The following ADAMTS6 variants were observed in gnomAD, a reference collection of about 807,000 sequenced individuals.
The protein encoded by ADAMTS6 is A disintegrin and metalloproteinase with thrombospondin motifs 6.
A neutral mutation model predicts 144.3 loss-of-function variants in ADAMTS6; 23 were observed. That is an observed-to-expected ratio of 0.16 (90% CI 0.11 to 0.23). The LOEUF (loss-of-function observed/expected upper bound fraction) is 0.23. ADAMTS6 is among the 10% of genes least tolerant of loss of function. The pLI, the probability that ADAMTS6 is intolerant of heterozygous loss-of-function variation, is 1.00. For missense variants in ADAMTS6, 999 were observed against 1,379.6 expected, an observed-to-expected ratio of 0.72 and a Z score of 4.37; for synonymous variants, 444 against 457.5, an observed-to-expected ratio of 0.97 and a Z score of 0.38.
intron 7 of ADAMTS6, among the ~76,000 whole-genome samples, chr5:65,359,934 G>T (rs189006155): frequency 3.3e-5 from 5 of 152,276 alleles, no homozygotes; most frequent in African/African-American, 1.2e-4. Context: ...TTACAGCATG[G>T]TGACTATAGC....
chr5:65,297,231 C>T (rs753802903), intron 10 of ADAMTS6: 84 of 455,458 alleles, frequency 1.8e-4, no homozygotes, highest in South Asian at 1.2e-3. Flanking sequence ...ATTGAATCAC[C>T]GAGTTTAAGA....
Position 65,389,207 on chromosome 5 carries a change from G to GA in ADAMTS6, c.1074-55123dup, listed in dbSNP as rs1265528223. On this transcript the variant is annotated intron_variant, in intron 7 of 24. Transcript: ENST00000381055. ...CGACAGAGCGAGACTCCATCTCAAA[G>GA]AAAAAAAAAAAGAAAGAAAGAAATA... is the stretch of plus-strand genomic sequence containing the variant. Among the ~76,000 whole-genome samples the GA allele has an allele frequency of 5.9e-3, 810 of 137,684 alleles. 8 individuals are homozygous for GA. The highest frequency in any genetic ancestry group is 0.02 in the African/African-American group (763 of 38,000). The allele number at this position is 137,684 out of a possible 152,430, so 90.3% of individuals were successfully genotyped here. A position where few individuals can be genotyped will look rare whatever the true frequency, so the allele number is the denominator to read the frequency against.
chr5:65,465,969 C>A (rs575521760), intron 3 of ADAMTS6, among the ~76,000 whole-genome samples: 3 of 152,276 alleles, frequency 2.0e-5, no homozygotes, highest in African/African-American at 7.2e-5. Flanking sequence ...AAATTTATAA[C>A]TTTCTAATTC....
chr5:65,424,303 T>G (rs1393636203), intron 7 of ADAMTS6, among the ~76,000 whole-genome samples: 1 of 152,174 alleles, frequency 6.6e-6, no homozygotes, highest in African/African-American at 2.4e-5. Context: ...ACTCAAGAAG[T>G]AGGCAATTAA....
intron 20 of ADAMTS6, among the ~76,000 whole-genome samples, chr5:65,203,382 T>C (rs749615209): frequency 2.2e-4 from 33 of 152,160 alleles, no homozygotes; most frequent in Non-Finnish European, 3.8e-4. Flanking sequence ...TAGAAAGACC[T>C]GTCTCTAGAA....
intron 7 of ADAMTS6, among the ~76,000 whole-genome samples, chr5:65,382,175 T>C (rs1752102645): frequency 6.6e-6 from 1 of 152,180 alleles, no homozygotes; most frequent in Admixed American, 6.5e-5. Context: ...GATTTTCTAA[T>C]ATAATAAAAA....
Position 65,253,812 on chromosome 5 carries a change from CTTTTTTTTTTTTTTTTTTT to C in ADAMTS6, c.1830+6769_1830+6787del, listed in dbSNP as rs759508097. On this transcript the variant is annotated intron_variant, in intron 14 of 24. Transcript: ENST00000381055. The stretch of plus-strand genomic sequence containing the variant: ...TAAAGTCTTGCTTACAATATTCAAT[CTTTTTTTTTTTTTTTTTTT>C]TTTTTTTTTTTTTTGAGACAGGATC... 1.9e-3 allele frequency among the ~76,000 whole-genome samples: 129 copies of C among 67,002 alleles called. 2 individuals are homozygous for C. The highest frequency in any genetic ancestry group is 2.6e-3 in the Non-Finnish European group (101 of 39,090). 44.0% of individuals were successfully genotyped at this position (67,002 alleles called of 152,430 possible). A position where few individuals can be genotyped will look rare whatever the true frequency, so the allele number is the denominator to read the frequency against.
intron 24 of ADAMTS6, among the ~76,000 whole-genome samples, chr5:65,154,895 C>A (rs1752326503): frequency 6.6e-6 from 1 of 152,150 alleles, no homozygotes; most frequent in Non-Finnish European, 1.5e-5. Context: ...AGCAAAATAT[C>A]AGAAAGCTAT....
chr5:65,307,930 C>T (rs1028923527), intron 9 of ADAMTS6, among the ~76,000 whole-genome samples: 1 of 152,138 alleles, frequency 6.6e-6, no homozygotes, highest in African/African-American at 2.4e-5. Context: ...AAAGTCGCAG[C>T]CTCCCTTGTT....
chr5:65,462,562 C>T (rs1200842483), intron 3 of ADAMTS6, among the ~76,000 whole-genome samples: 2 of 152,174 alleles, frequency 1.3e-5, no homozygotes, highest in South Asian at 2.1e-4. Context: ...GATGGAGCAA[C>T]GTTAAACAAT....
intron 13 of ADAMTS6, among the ~76,000 whole-genome samples, chr5:65,261,438 C>G (rs1761185038): frequency 6.7e-6 from 1 of 149,600 alleles, no homozygotes; most frequent in Non-Finnish European, 1.5e-5. Context: ...CCTTAAGTAT[C>G]TGGGTATATT....
intron 21 of ADAMTS6, among the ~76,000 whole-genome samples, chr5:65,193,142 A>C (rs556432151): frequency 7.2e-5 from 11 of 152,108 alleles, no homozygotes; most frequent in South Asian, 2.1e-4. Context: ...AGAAACTTTG[A>C]AAGTATAAGA....
At chr5:65,317,991 C>T (rs1217794787) in intron 9 of ADAMTS6, among the ~76,000 whole-genome samples, 2 of 147,152 alleles carry the variant, frequency 1.4e-5, no homozygotes, top group Non-Finnish European at 3.0e-5. Context: ...AGGAGAATGG[C>T]GTGAACCTGG....
At chr5:65,476,701 C>A (rs180733055) in intron 1 of ADAMTS6, among the ~76,000 whole-genome samples, 30 of 152,202 alleles carry the variant, frequency 2.0e-4, no homozygotes, top group African/African-American at 6.7e-4. Flanking sequence ...CTCCACCTCC[C>A]GGGTTCAAGT....
chr5:65,226,279 A>T, intron 15 of ADAMTS6, 60 bp from the exon 16 acceptor site: 1 of 1,548,944 alleles, frequency 6.5e-7, no homozygotes, highest in Non-Finnish European at 8.8e-7. Context: ...ACAGTGATTC[A>T]GTATTATCTA....
intron 20 of ADAMTS6, 26 bp from the exon 21 acceptor site, chr5:65,197,177 T>G: frequency 6.2e-7 from 1 of 1,611,192 alleles, no homozygotes; most frequent in Non-Finnish European, 8.5e-7. Context: ...ACATCATTAA[T>G]TGAAGAGAAG....
intron 7 of ADAMTS6, among the ~76,000 whole-genome samples, chr5:65,436,673 A>T (rs980753381): frequency 2.7e-5 from 4 of 148,318 alleles, no homozygotes; most frequent in Non-Finnish European, 4.5e-5. Flanking sequence ...TGTCTCTACT[A>T]AAAATATTTA....
intron 7 of ADAMTS6, among the ~76,000 whole-genome samples, chr5:65,366,780 G>A (rs1405748323): frequency 6.6e-6 from 1 of 152,132 alleles, no homozygotes; most frequent in Non-Finnish European, 1.5e-5. Flanking sequence ...ACACTCCAGA[G>A]GATACCCTCC....
intron 20 of ADAMTS6, among the ~76,000 whole-genome samples, chr5:65,207,169 C>T (rs1284468315): frequency 6.6e-6 from 1 of 152,042 alleles, no homozygotes; most frequent in Non-Finnish European, 1.5e-5. Flanking sequence ...TATCTCTTCC[C>T]CCAAAGAACT....
Sources: gnomAD v4.1 joint callset for allele counts (sites outside exome capture counted in the v4.1 genomes callset) on GRCh38, gnomAD v4.1.1 for gene constraint, MANE v1.5 for transcripts, NCBI Gene and HGNC (gene_info 2026-07-23, HGNC 2026-07-21) for gene names.